Variants in KIRREL3 observed in about 807,000 individuals in gnomAD.
KIRREL3 encodes kirre like nephrin family adhesion molecule 3.
KIRREL3 carries 36 observed loss-of-function variants against 89.7 expected under a neutral mutation model. The observed-to-expected ratio is 0.40, with a 90% confidence interval of 0.31 to 0.53. The LOEUF is 0.53. KIRREL3 is among the 20% of genes least tolerant of loss of function. The pLI is 0.49. For missense variants in KIRREL3, 864 were observed against 1,056.6 expected (o/e 0.82, Z 2.53); for synonymous variants, 445 against 441.4 (o/e 1.01, Z -0.10).
intron 1 of KIRREL3, among the ~76,000 whole-genome samples, chr11:126,862,712 A>C (rs1014777784): frequency 2.0e-5 from 3 of 152,170 alleles, no homozygotes; most frequent in African/African-American, 7.2e-5. Context: ...CCCTAACTCC[A>C]TCAGGCCTCA....
chr11:126,534,311 C>T (rs758486248), intron 2 of KIRREL3, among the ~76,000 whole-genome samples: 54 of 152,130 alleles, frequency 3.5e-4, no homozygotes, highest in Non-Finnish European at 6.0e-4. Flanking sequence ...GGCTTGGCTC[C>T]GCATCTGACT....
At position 126,526,644 on chromosome 11, in the gene KIRREL3, C is replaced by T. The variant is rs1281638785; in HGVS notation, c.177G>A (p.Val59=). ...GTAGCGTCACTGGCTGTCCCGACAC[C>T]ACCACCTGGTCCTGGGGCTGCTGGC... ...SFSQQPQDQV[V]VSGQPVTLLC... Residue 59 remains valine (V), a synonymous_variant, in exon 3 of 17, where the codon GTG becomes GTA. Coordinates refer to ENST00000525144, the MANE Select transcript of KIRREL3 (RefSeq NM_032531.4). The surrounding 1 kb of genome is among the most constrained non-coding windows in gnomAD (Gnocchi z 5.7). 3.2e-6 allele frequency: 5 copies of T among 1,584,802 alleles called. No individual in the cohort carries two copies. The African/African-American group carries it at 6.7e-5, about 21-fold the overall frequency.
intron 5 of KIRREL3, among the ~76,000 whole-genome samples, chr11:126,470,635 C>T (rs905921259): frequency 1.5e-4 from 23 of 152,134 alleles, no homozygotes; most frequent in African/African-American, 4.8e-4. Context: ...GGAACCAGGC[C>T]GTGTATTTCC....
intron 1 of KIRREL3, among the ~76,000 whole-genome samples, chr11:126,968,929 G>A (rs1308525157): frequency 1.3e-5 from 2 of 152,134 alleles, no homozygotes; most frequent in East Asian, 1.9e-4. Flanking sequence ...TGTAAAAAAC[G>A]GGGCATGACT....
chr11:126,456,039 GTTTTT>G (rs745805898), intron 7 of KIRREL3, among the ~76,000 whole-genome samples: 25 of 68,312 alleles, frequency 3.7e-4, no homozygotes, highest in African/African-American at 1.3e-3. Context: ...TTTTGTTTTC[GTTTTT>G]TTTTTTTTTT....
intron 1 of KIRREL3, among the ~76,000 whole-genome samples, chr11:126,631,061 A>T (rs1004828217): frequency 1.3e-5 from 2 of 152,200 alleles, no homozygotes; most frequent in Admixed American, 6.5e-5. Context: ...ATACACAGTG[A>T]CACAGTAGCT....
In KIRREL3 at chr11:126,527,972, C is replaced by T. The variant is rs1958815616; in HGVS notation, c.134-1285G>A. Among the ~76,000 whole-genome samples the T allele has an allele frequency of 6.6e-6, 1 of 152,208 alleles. No homozygotes were observed. The highest frequency in any genetic ancestry group is 6.5e-5 in the Admixed American group (1 of 15,282). ...CTGGCCCACAGTACAACCAGTACTT[C>T]ATACAACCCCTCCTGTAATCCACTT... On this transcript the variant is annotated intron_variant, in intron 2 of 16. Coordinates refer to ENST00000525144, the MANE Select transcript of KIRREL3 (RefSeq NM_032531.4). The surrounding 1 kb of genome is among the most constrained non-coding windows in gnomAD (Gnocchi z 4.2).
Position 126,636,656 on chromosome 11 carries a change from C to A in KIRREL3, c.56-73744G>T, listed in dbSNP as rs1944275211. 6.6e-6 allele frequency among the ~76,000 whole-genome samples: 1 copy of A among 152,170 alleles called. No individual in the cohort carries two copies. ...CTTACTGCCTGCTCTGCTGCCAGCA[C>A]CCTTTCTTGTGTCTTGGTATCTGCC... On this transcript the variant is annotated intron_variant, in intron 1 of 16. Coordinates refer to ENST00000525144, the MANE Select transcript of KIRREL3 (RefSeq NM_032531.4). This position sits in a 1 kb window ranked among gnomAD's most constrained non-coding sequence, Gnocchi z 4.4.
In KIRREL3 at chr11:126,462,666, G is replaced by A. The variant is rs1413358133; in HGVS notation, c.742+491C>T. On this transcript the variant is annotated intron_variant, in intron 6 of 16. Coordinates refer to ENST00000525144, the MANE Select transcript of KIRREL3 (RefSeq NM_032531.4). This position sits in a 1 kb window ranked among gnomAD's most constrained non-coding sequence, Gnocchi z 4.8. ...GGGCAACAGAGTGAGACTCTGTCTC[G>A]AAAGAATAAAAAAAAGATTAAATGA... 2.6e-5 allele frequency among the ~76,000 whole-genome samples: 4 copies of A among 152,102 alleles called. No homozygotes were observed. In the East Asian group the frequency reaches 5.8e-4, roughly 22 times the overall value.
chr11:126,498,473 C>T lies in KIRREL3; in HGVS notation c.433+22842G>A, dbSNP rs892910694. ...AATTGTCGCTAGGCATCACACTATCCTGTCTGTCAGGTAAGGGGTGGCAGC... is the reference window on the plus strand; with the variant it reads ...AATTGTCGCTAGGCATCACACTATCTTGTCTGTCAGGTAAGGGGTGGCAGC... On this transcript the variant is annotated intron_variant, in intron 4 of 16. Transcript: ENST00000525144. This position sits in a 1 kb window ranked among gnomAD's most constrained non-coding sequence, Gnocchi z 4.3. 1.3e-5 allele frequency among the ~76,000 whole-genome samples: 2 copies of T among 152,194 alleles called. No individual in the cohort carries two copies. Among genetic ancestry groups the T allele is most frequent in the Non-Finnish European group, 2.9e-5 (2 of 68,044 alleles).
At chr11:126,968,039 A>G (rs564928866) in intron 1 of KIRREL3, among the ~76,000 whole-genome samples, 79 of 152,332 alleles carry the variant, frequency 5.2e-4, no homozygotes, top group Non-Finnish European at 8.5e-4. Context: ...CTTCCCCCAA[A>G]GAAACTTCAT....
chr11:126,923,208 T>TCC lies in KIRREL3; in HGVS notation c.55+77246_55+77247insGG, dbSNP rs1565423499. ...TCTTCTCTTCTTCTTCTTCTTCTTC[T>TCC]TCTTCTTCTTCTTCTTCTTCTTCTT... On this transcript the variant is annotated intron_variant, in intron 1 of 16. Coordinates refer to ENST00000525144, the MANE Select transcript of KIRREL3 (RefSeq NM_032531.4). Among the ~76,000 whole-genome samples, 13 of 12,730 alleles carry TCC rather than the reference T, an allele frequency of 1.0e-3. 4 individuals carry two copies. The highest frequency in any genetic ancestry group is 1.6e-3 in the Non-Finnish European group (11 of 7,010). 8.4% of individuals were successfully genotyped at this position (12,730 alleles called of 152,430 possible).
At chr11:126,851,297 C>T (rs1419981957) in intron 1 of KIRREL3, among the ~76,000 whole-genome samples, 1 of 152,272 alleles carries the variant, frequency 6.6e-6, no homozygotes, top group East Asian at 1.9e-4. Flanking sequence ...ATGTCTGAGA[C>T]CAGAGGTCAG....
rs934486114 is a variant in KIRREL3, at chr11:126,551,415, A to G, written c.133+11420T>C. 1.3e-5 allele frequency among the ~76,000 whole-genome samples: 2 copies of G among 152,308 alleles called. No homozygotes were observed. The highest frequency in any genetic ancestry group is 6.8e-3 in the Middle Eastern group (2 of 294). ...AGGCCTAACACACCCAACATATGGC[A>G]AAAGACTGTAGCAAGGGCTATGGGA... On this transcript the variant is annotated intron_variant, in intron 2 of 16. Transcript: ENST00000525144. This position sits in a 1 kb window ranked among gnomAD's most constrained non-coding sequence, Gnocchi z 4.9.
At chr11:126,457,411 G>A (rs115167614) in intron 6 of KIRREL3, among the ~76,000 whole-genome samples, 25,953 of 151,378 alleles carry the variant, frequency 0.17, 2,697 homozygotes, top group East Asian at 0.41. Flanking sequence ...GTGTATGCAC[G>A]TGTGTATGTG....
chr11:126,868,604 A>G (rs992708604), intron 1 of KIRREL3, among the ~76,000 whole-genome samples: 12 of 152,096 alleles, frequency 7.9e-5, no homozygotes, highest in Non-Finnish European at 1.5e-4. Context: ...AGGAGGGTAA[A>G]GTGTAGGAGT....
In KIRREL3 at chr11:126,639,251, A is replaced by G. The variant is rs1944379737; in HGVS notation, c.56-76339T>C. 6.6e-6 allele frequency among the ~76,000 whole-genome samples: 1 copy of G among 152,202 alleles called. No homozygotes were observed. Among genetic ancestry groups the G allele is most frequent in the Non-Finnish European group, 1.5e-5 (1 of 68,040 alleles). ...GCTCTGACCTTTTGATAACATTTTA[A>G]AAAAAGAAACCTTACATATTGACTG... On this transcript the variant is annotated intron_variant, in intron 1 of 16. Transcript: ENST00000525144. The surrounding 1 kb of genome is among the most constrained non-coding windows in gnomAD (Gnocchi z 4.3).
At position 126,987,507 on chromosome 11, in the gene KIRREL3, T is replaced by C. The variant is rs917393201; in HGVS notation, c.55+12948A>G. Among the ~76,000 whole-genome samples the C allele has an allele frequency of 2.6e-5, 4 of 152,220 alleles. No homozygotes were observed. Among genetic ancestry groups the C allele is most frequent in the Admixed American group, 1.3e-4 (2 of 15,290 alleles). The stretch of plus-strand genomic sequence containing the variant: ...ATGTCTTGATTCTGACCAGTTCCAG[T>C]ATTCAGCTGTTTTCACCTGTAAAGT... On this transcript the variant is annotated intron_variant, in intron 1 of 16. Transcript: ENST00000525144. This position sits in a 1 kb window ranked among gnomAD's most constrained non-coding sequence, Gnocchi z 4.6.
rs1341755823 is a variant in KIRREL3, at chr11:126,811,483, A to G, written c.55+188972T>C. Among the ~76,000 whole-genome samples the G allele has an allele frequency of 2.6e-5, 4 of 152,254 alleles. No individual in the cohort carries two copies. Among genetic ancestry groups the G allele is most frequent in the South Asian group, 2.1e-4 (1 of 4,830 alleles). ...TCTCATAGCTGTTGACAAACTGGAC[A>G]GATACATGAGTAATGAATAGGAACC... is the stretch of plus-strand genomic sequence containing the variant. On this transcript the variant is annotated intron_variant, in intron 1 of 16. Coordinates refer to ENST00000525144, the MANE Select transcript of KIRREL3 (RefSeq NM_032531.4). This position sits in a 1 kb window ranked among gnomAD's most constrained non-coding sequence, Gnocchi z 4.3.
Sources: allele counts gnomAD v4.1 joint callset (sites outside exome capture counted in the v4.1 genomes callset), GRCh38; gene constraint gnomAD v4.1.1; non-coding constraint Gnocchi (gnomAD v3.1); transcripts MANE v1.5; gene names NCBI Gene and HGNC (gene_info 2026-07-23, HGNC 2026-07-21).